MAP3K15: variants seen among roughly 807,000 people sequenced by gnomAD.
MAP3K15 encodes MAPK/ERK kinase kinase 15.
Under a neutral mutation model 99.5 loss-of-function variants are expected in MAP3K15, and 124 were observed. The observed-to-expected ratio is 1.25, with a 90% CI of 1.08 to 1.45. The LOEUF (loss-of-function observed/expected upper bound fraction) is 1.45. MAP3K15 is among the 40% of genes most tolerant of loss of function. The probability of loss-of-function intolerance (pLI) is 0.00; values close to 1 mark genes in which losing one functional copy is unlikely to be tolerated. For missense variants in MAP3K15, 1,242 were observed against 1,079.7 expected (o/e 1.15, Z -2.11); for synonymous variants, 494 against 439.6 (o/e 1.12, Z -1.55).
intron 19 of MAP3K15, among the ~76,000 whole-genome samples, chrX:19,379,441 C>CT (rs770431394): frequency 0.023 from 1,415 of 62,308 alleles, 107 homozygotes; most frequent in African/African-American, 0.08. Context: ...AGTGTTTTTC[C>CT]TTTTTTTTTT....
chrX:19,436,491 G>A (rs976676233), intron 6 of MAP3K15, among the ~76,000 whole-genome samples: 1 of 110,744 alleles, frequency 9.0e-6, no homozygotes, highest in Non-Finnish European at 1.9e-5. Flanking sequence ...CATCTTTCTT[G>A]GTAACTACCC....
chrX:19,370,488 C>T (rs1023100992), intron 24 of MAP3K15, among the ~76,000 whole-genome samples: 26 of 111,197 alleles, frequency 2.3e-4, no homozygotes, highest in African/African-American at 7.5e-4. Context: ...CTCCACCACC[C>T]GGGTTCAAGC....
At chrX:19,371,884 G>C (rs889952921) in intron 22 of MAP3K15, among the ~76,000 whole-genome samples, 1 of 111,545 alleles carries the variant, frequency 9.0e-6, no homozygotes, top group Non-Finnish European at 1.9e-5. Context: ...TGTAATCCCA[G>C]CACTTTGGGA....
chrX:19,398,979 C>T (rs1393695014), intron 14 of MAP3K15, among the ~76,000 whole-genome samples: 2 of 112,256 alleles, frequency 1.8e-5, no homozygotes, highest in South Asian at 3.7e-4. Context: ...TGTGACTGTA[C>T]GCTGAGCAAC....
chrX:19,488,059 G>C (rs1602346886), intron 2 of MAP3K15, among the ~76,000 whole-genome samples: 1 of 111,465 alleles, frequency 9.0e-6, no homozygotes, highest in South Asian at 3.8e-4. Flanking sequence ...GTGCACTCAA[G>C]GCCGAGAAGC....
chrX:19,381,027 G>A (rs1388538179), intron 18 of MAP3K15, among the ~76,000 whole-genome samples: 1 of 112,192 alleles, frequency 8.9e-6, no homozygotes, highest in Non-Finnish European at 1.9e-5. Context: ...AAGACAGAAT[G>A]CTGGCAGCGG....
Position 19,413,278 on chromosome X carries a change from T to C in MAP3K15, c.1698+79A>G, listed in dbSNP as rs1343756574. The C allele has an allele frequency of 1.8e-5, 12 of 650,355 alleles. No individual in the cohort carries two copies. The East Asian group carries it at 2.1e-4, about 11-fold the overall frequency. 53.6% of individuals were successfully genotyped at this position (650,355 alleles called of 1,213,427 possible). ...TCATAATTCAGAAGTTAAACATGGG[T>C]GCCTTTTCCTTCAAATACTACCATC... is the stretch of plus-strand genomic sequence containing the variant. On this transcript the variant is annotated intron_variant, in intron 11 of 28. Transcript: ENST00000338883.
Position 19,425,448 on chromosome X carries a change from G to A in MAP3K15, c.1439+83C>T, listed in dbSNP as rs1013546414. ...TTGCTTTAATGAAAAGTCAGAAGGA[G>A]AAACATAGTGATTATAAGGAAGACA... On this transcript the variant is annotated intron_variant, in intron 9 of 28. Coordinates refer to ENST00000338883, the MANE Select transcript of MAP3K15 (RefSeq NM_001001671.4). 26 of 959,446 alleles carry A rather than the reference G, an allele frequency of 2.7e-5. No homozygotes were observed. In the Admixed American group the frequency reaches 8.3e-4, roughly 31 times the overall value. The allele number at this position is 959,446 out of a possible 1,213,427, so 79.1% of individuals were successfully genotyped here.
intron 9 of MAP3K15, among the ~76,000 whole-genome samples, chrX:19,424,186 GTATA>G (rs756342104): frequency 4.7e-5 from 5 of 106,205 alleles, no homozygotes; most frequent in African/African-American, 1.4e-4. Context: ...AGCAAATCAT[GTATA>G]TATACACACA....
chrX:19,420,059 T>C (rs757934075), intron 9 of MAP3K15, among the ~76,000 whole-genome samples: 59 of 112,038 alleles, frequency 5.3e-4, no homozygotes, highest in East Asian at 3.3e-3. Context: ...GGGAAATTTA[T>C]AGCACTAAAT....
intron 21 of MAP3K15, 113 bp downstream of exon 21, chrX:19,373,423 A>T: frequency 4.2e-6 from 4 of 947,565 alleles, no homozygotes; most frequent in Non-Finnish European, 4.3e-6. Flanking sequence ...GCCCTGCAGA[A>T]GGGAAGTAAA....
intron 6 of MAP3K15, among the ~76,000 whole-genome samples, chrX:19,454,991 T>G (rs1425797774): frequency 8.9e-6 from 1 of 112,077 alleles, no homozygotes; most frequent in Non-Finnish European, 1.9e-5. Context: ...TAATGCAAAC[T>G]CCTACTATGT....
rs1450053730 is a variant in MAP3K15 at position 19,443,106 on chromosome X, C to T, written c.996-11498G>A. On this transcript the variant is annotated intron_variant, in intron 6 of 28. Coordinates refer to ENST00000338883, the MANE Select transcript of MAP3K15 (RefSeq NM_001001671.4). ...GGACTGCAGTGGCACAATCTCAGCT[C>T]ACTGCAACTTCCGCCTCCCGGGTTC... Among the ~76,000 whole-genome samples, 3 of 95,709 alleles carry T rather than the reference C, an allele frequency of 3.1e-5. No individual in the cohort carries two copies. In the Admixed American group the frequency reaches 3.7e-4, roughly 12 times the overall value. 83.1% of individuals were successfully genotyped at this position (95,709 alleles called of 115,157 possible). A position where few individuals can be genotyped will look rare whatever the true frequency, so the allele number is the denominator to read the frequency against.
rs193253848 is a variant in MAP3K15, at chrX:19,360,998, A to G, written c.3858-165T>C. On this transcript the variant is annotated intron_variant, in intron 28 of 28. Coordinates refer to ENST00000338883, the MANE Select transcript of MAP3K15 (RefSeq NM_001001671.4). ...GTAGGACATGGCCTTAGAGGTACGTACCTGCAGAGAGCTGGCTATTTCAAA... is the reference window on the plus strand; with the variant it reads ...GTAGGACATGGCCTTAGAGGTACGTGCCTGCAGAGAGCTGGCTATTTCAAA... The G allele has an allele frequency of 3.8e-4, 164 of 428,174 alleles. No homozygotes were observed. Among genetic ancestry groups the G allele is most frequent in the African/African-American group, 3.6e-3 (146 of 40,735 alleles). The allele number at this position is 428,174 out of a possible 1,213,427, so 35.3% of individuals were successfully genotyped here.
intron 18 of MAP3K15, 110 bp from the exon 19 acceptor site, chrX:19,380,387 G>T: frequency 1.2e-6 from 1 of 826,945 alleles, no homozygotes; most frequent in Non-Finnish European, 1.7e-6. Flanking sequence ...CCTGAGCCCA[G>T]GTGTTGGAGA....
At chrX:19,373,249 G>A in intron 21 of MAP3K15, 2 of 258,618 alleles carry the variant, frequency 7.7e-6, no homozygotes, top group East Asian at 6.7e-5. Context: ...GAGAGAGGGG[G>A]AAGAGGAGAG....
chrX:19,393,911 TAC>T (rs905460376), intron 16 of MAP3K15, among the ~76,000 whole-genome samples: 1 of 108,054 alleles, frequency 9.3e-6, no homozygotes, highest in Non-Finnish European at 1.9e-5. Context: ...TAGCTGGGAC[TAC>T]AGGCGCACGC....
At chrX:19,366,924 A>G (rs966870956) in intron 25 of MAP3K15, among the ~76,000 whole-genome samples, 5 of 111,913 alleles carry the variant, frequency 4.5e-5, no homozygotes, top group Non-Finnish European at 7.5e-5. Context: ...AAACCCATAT[A>G]TAATCATTTT....
chrX:19,416,700 G>T (rs987944956), intron 9 of MAP3K15, among the ~76,000 whole-genome samples: 1 of 112,196 alleles, frequency 8.9e-6, no homozygotes, highest in Non-Finnish European at 1.9e-5. Context: ...TCATGAAGCC[G>T]TCACTGCAGT....
Sources: gnomAD v4.1 joint callset for allele counts (sites outside exome capture counted in the v4.1 genomes callset) on GRCh38, gnomAD v4.1.1 for gene constraint, MANE v1.5 for transcripts, NCBI Gene and HGNC (gene_info 2026-07-23, HGNC 2026-07-21) for gene names.